L3MBTL4: variants seen among roughly 807,000 people sequenced by gnomAD.
The protein encoded by L3MBTL4 is L3MBTL histone methyl-lysine binding protein 4, also known as lethal(3)malignant brain tumor-like protein 4.
Under a neutral mutation model 84.5 loss-of-function variants are expected in L3MBTL4, and 70 were observed. The ratio of observed to expected loss-of-function variants is 0.83; its 90% confidence interval spans 0.68 to 1.01. The LOEUF (loss-of-function observed/expected upper bound fraction) is 1.01, where lower values mean the gene tolerates loss of function less well. Ranked by LOEUF, L3MBTL4 falls within the 50% of genes least tolerant of loss-of-function variation. L3MBTL4 has a pLI of 0.00. For missense variants in L3MBTL4, 715 were observed against 754.8 expected (o/e 0.95, Z 0.62); for synonymous variants, 274 against 259.8 (o/e 1.05, Z -0.52).
chr18:5,965,662 G>C (rs1451706003), intron 17 of L3MBTL4, among the ~76,000 whole-genome samples: 2 of 152,162 alleles, frequency 1.3e-5, no homozygotes, highest in African/African-American at 4.8e-5. Context: ...TATTTTCAAA[G>C]ATACAAACAC....
intron 1 of L3MBTL4, among the ~76,000 whole-genome samples, chr18:6,409,256 G>A (rs1289628356): frequency 6.6e-6 from 1 of 152,106 alleles, no homozygotes; most frequent in Non-Finnish European, 1.5e-5. Flanking sequence ...TGGAATTGTG[G>A]CTATAATCTG....
At chr18:6,144,832 T>C (rs1315719384) in intron 13 of L3MBTL4, among the ~76,000 whole-genome samples, 2 of 152,166 alleles carry the variant, frequency 1.3e-5, no homozygotes, top group African/African-American at 2.4e-5. Context: ...CTCCCTGGAA[T>C]GCAGATGTAA....
intron 16 of L3MBTL4, among the ~76,000 whole-genome samples, chr18:6,069,053 G>A (rs1254625496): frequency 6.6e-6 from 1 of 152,224 alleles, no homozygotes; most frequent in Non-Finnish European, 1.5e-5. Context: ...ATCCAGAAAT[G>A]TGAACTAATT....
chr18:6,403,499 A>G lies in L3MBTL4; in HGVS notation c.-91+11302T>C, dbSNP rs117642458. ...ATATTGGATGCAGGTACAAGCATCA[A>G]ACTACTTGATTTTATTCTCTAGGTT... On this transcript the variant is annotated intron_variant, in intron 1 of 18. Coordinates refer to ENST00000317931, the MANE Select transcript of L3MBTL4 (RefSeq NM_001330559.2). Among the ~76,000 whole-genome samples, 2 of 152,236 alleles carry G rather than the reference A, an allele frequency of 1.3e-5. 1 individual carries two copies. The highest frequency in any genetic ancestry group is 4.1e-4 in the South Asian group (2 of 4,834).
At chr18:6,188,104 C>T (rs192411097) in intron 12 of L3MBTL4, among the ~76,000 whole-genome samples, 27 of 152,004 alleles carry the variant, frequency 1.8e-4, no homozygotes, top group African/African-American at 5.3e-4. Flanking sequence ...ATTAATTCCC[C>T]GCCTCCCTCA....
chr18:6,091,164 A>G (rs2143600407), intron 15 of L3MBTL4, among the ~76,000 whole-genome samples: 1 of 152,336 alleles, frequency 6.6e-6, no homozygotes, highest in African/African-American at 2.4e-5. Context: ...CTGTGGAGAG[A>G]GTTAAAATAT....
intron 14 of L3MBTL4, among the ~76,000 whole-genome samples, chr18:6,116,720 G>T (rs1336278003): frequency 6.6e-6 from 1 of 152,118 alleles, no homozygotes; most frequent in Non-Finnish European, 1.5e-5. Flanking sequence ...ATTTGGACAT[G>T]ATTAAGTTTT....
At chr18:5,995,333 G>A (rs775536810) in intron 16 of L3MBTL4, among the ~76,000 whole-genome samples, 6 of 152,324 alleles carry the variant, frequency 3.9e-5, no homozygotes, top group Middle Eastern at 3.4e-3. Flanking sequence ...TGGGCTCCAC[G>A]TTTACTGCCC....
intron 16 of L3MBTL4, among the ~76,000 whole-genome samples, chr18:6,067,717 T>C (rs544357718): frequency 6.6e-6 from 1 of 152,320 alleles, no homozygotes; most frequent in African/African-American, 2.4e-5. Flanking sequence ...TTTCTTTATG[T>C]TGTTTTTTAC....
chr18:6,397,611 G>A (rs2055329414), intron 1 of L3MBTL4: 1 of 152,166 alleles, frequency 6.6e-6, no homozygotes, highest in South Asian at 2.1e-4. Flanking sequence ...CATTTTGGGA[G>A]GTCGAGGAAG....
intron 3 of L3MBTL4, among the ~76,000 whole-genome samples, chr18:6,309,919 T>G (rs1047681071): frequency 6.6e-6 from 1 of 150,768 alleles, no homozygotes; most frequent in Non-Finnish European, 1.5e-5. Context: ...AGCGGTAAGA[T>G]GCATCTAGCC....
At chr18:6,160,353 G>GTGTTACAAGTCAGGAGTGTTCGGCAA (rs2043275969) in intron 13 of L3MBTL4, among the ~76,000 whole-genome samples, 2 of 152,312 alleles carry the variant, frequency 1.3e-5, no homozygotes, top group Non-Finnish European at 2.9e-5. Flanking sequence ...CAAGTCAGCA[G>GTGTTACAAGTCAGGAGTGTTCGGCAA]TGTTACAAGT....
chr18:6,377,252 T>G (rs2054405613), intron 1 of L3MBTL4, among the ~76,000 whole-genome samples: 1 of 152,170 alleles, frequency 6.6e-6, no homozygotes, highest in East Asian at 1.9e-4. Context: ...TAGGTATAGG[T>G]GAAGAAATCT....
chr18:6,153,997 T>A (rs1270339191), intron 13 of L3MBTL4, among the ~76,000 whole-genome samples: 1 of 152,230 alleles, frequency 6.6e-6, no homozygotes, highest in African/African-American at 2.4e-5. Flanking sequence ...GATTACAGTA[T>A]CAGCAAACAG....
chr18:5,993,629 A>G (rs1297709316), intron 16 of L3MBTL4, among the ~76,000 whole-genome samples: 2 of 152,208 alleles, frequency 1.3e-5, no homozygotes, highest in Non-Finnish European at 1.5e-5. Context: ...TTGCTCACCA[A>G]AGAAAATAAT....
chr18:6,215,684 A>C (rs1204434578), intron 11 of L3MBTL4, 66 bp downstream of exon 11: 1 of 781,240 alleles, frequency 1.3e-6, no homozygotes, highest in East Asian at 2.7e-5. Flanking sequence ...TTAAACTGCC[A>C]AATGTAGGCA....
chr18:6,099,785 G>A (rs1172183072), intron 14 of L3MBTL4, among the ~76,000 whole-genome samples: 2 of 150,826 alleles, frequency 1.3e-5, no homozygotes, highest in Non-Finnish European at 3.0e-5. Context: ...TACACACAGA[G>A]TAAGAAAAAA....
intron 12 of L3MBTL4, among the ~76,000 whole-genome samples, chr18:6,198,538 T>C (rs950393765): frequency 1.3e-5 from 2 of 152,176 alleles, no homozygotes; most frequent in African/African-American, 4.8e-5. Flanking sequence ...GACGTTAATT[T>C]CTAGTGTGTA....
chr18:6,084,375 G>A (rs192908164), intron 15 of L3MBTL4, among the ~76,000 whole-genome samples: 2 of 151,938 alleles, frequency 1.3e-5, no homozygotes, highest in African/African-American at 2.4e-5. Flanking sequence ...TTTACCATCC[G>A]GCTCTTTACA....
Sources: allele counts gnomAD v4.1 joint callset (sites outside exome capture counted in the v4.1 genomes callset), GRCh38; gene constraint gnomAD v4.1.1; transcripts MANE v1.5; gene names NCBI Gene and HGNC (gene_info 2026-07-23, HGNC 2026-07-21).